SYNE1: variants seen among roughly 807,000 people sequenced by gnomAD.
SYNE1 encodes the protein spectrin repeat containing nuclear envelope protein 1.
A neutral mutation model predicts 1,111.0 loss-of-function variants in SYNE1; 616 were observed. The ratio of observed to expected loss-of-function variants is 0.55; its 90% CI spans 0.52 to 0.59. SYNE1 has a LOEUF of 0.59. Ranked by LOEUF, SYNE1 falls within the 20% of genes least tolerant of loss-of-function variation. The probability of loss-of-function intolerance (pLI) is 0.00; values close to 1 mark genes in which losing one functional copy is unlikely to be tolerated. For missense variants in SYNE1, 10,006 were observed against 10,417.0 expected, an observed-to-expected ratio of 0.96 and a Z score of 1.72; for synonymous variants, 3,855 against 3,825.8, an observed-to-expected ratio of 1.01 and a Z score of -0.28.
chr6:152,586,655 TACAC>T (rs10530898), intron 3 of SYNE1, among the ~76,000 whole-genome samples: 22,021 of 149,170 alleles, frequency 0.15, 1,824 homozygotes, highest in East Asian at 0.43. Context: ...CATACTCTCA[TACAC>T]ACACACACAC....
chr6:152,576,080 T>C (rs2099495349), intron 3 of SYNE1, among the ~76,000 whole-genome samples: 1 of 152,244 alleles, frequency 6.6e-6, no homozygotes, highest in Admixed American at 6.5e-5. Context: ...AAATTGTTCC[T>C]GCTGTGTTTT....
At chr6:152,561,956 A>T (rs987465992) in intron 3 of SYNE1, among the ~76,000 whole-genome samples, 1 of 152,212 alleles carries the variant, frequency 6.6e-6, no homozygotes, top group African/African-American at 2.4e-5. Flanking sequence ...TCATAAATGT[A>T]CTAGAAGAAA....
In SYNE1 at chr6:152,373,193, T is replaced by C. The variant is rs747683032; in HGVS notation, c.9351A>G (p.Gly3117=). ...ACAGCATCATGTTTAGCTTGTGCTG[T>C]CCATTTTCACTTTCTGACAAAAACT... ...IQEFLSESEN[G]QHKLNMMLSK... is the part of the protein sequence containing the mutation. The change falls in exon 59 of 146, where the codon GGA becomes GGG. Residue 3117 remains glycine, a synonymous_variant. Transcript: ENST00000367255. 4.3e-6 allele frequency: 7 copies of C among 1,612,898 alleles called. No homozygotes were observed. The highest frequency in any genetic ancestry group is 5.9e-6 in the Non-Finnish European group (7 of 1,179,902).
chr6:152,380,359 A>G (rs2097383633), intron 56 of SYNE1, among the ~76,000 whole-genome samples: 1 of 152,140 alleles, frequency 6.6e-6, no homozygotes, highest in Non-Finnish European at 1.5e-5. Context: ...AGTGAAAGAA[A>G]CGAAGAAGAG....
At position 152,483,913 on chromosome 6, in the gene SYNE1, A is replaced by C. The variant is rs529181460; in HGVS notation, c.1186-664T>G. 9.1e-4 allele frequency among the ~76,000 whole-genome samples: 138 copies of C among 151,936 alleles called. 1 individual carries two copies. Among genetic ancestry groups the C allele is most frequent in the African/African-American group, 3.1e-3 (129 of 41,452 alleles). On this transcript the variant is annotated intron_variant, in intron 13 of 145. Transcript: ENST00000367255. ...TAGAAAAAATGAGACTATCAAAAAA[A>C]AAATTAGGCTGGGTGCAGTGGCTCA...
chr6:152,514,935 T>A (rs933050501), intron 6 of SYNE1, among the ~76,000 whole-genome samples: 3 of 152,102 alleles, frequency 2.0e-5, no homozygotes, highest in African/African-American at 7.2e-5. Flanking sequence ...TAAAAAAATA[T>A]TTGAGACCAG....
chr6:152,230,499 C>T (rs779320755), intron 115 of SYNE1, 48 bp downstream of exon 115: 509 of 1,578,988 alleles, frequency 3.2e-4, no homozygotes, highest in Middle Eastern at 5.0e-4. Flanking sequence ...TATTAGCATA[C>T]GCTATGAAAT....
chr6:152,207,976 A>G lies in SYNE1; in HGVS notation c.22820T>C (p.Val7607Ala). 6.2e-7 allele frequency: 1 copy of G among 1,614,166 alleles called. No individual in the cohort carries two copies. Among genetic ancestry groups the G allele is most frequent in the South Asian group, 1.1e-5 (1 of 91,080 alleles). ...LQQARTLFDE[V>A]QFKEKVFLRQ... is the part of the protein sequence containing the mutation. ...ACACTGTGTTTTGCATCTTACCTGC[A>G]CTTCATCAAAGAGGGTCCTTGCTTG... Residue 7607 changes from valine (V) to alanine (A), a missense_variant, in exon 125 of 146, where the codon GTG becomes GCG. This residue lies in a region of SYNE1 where 2,182 missense variants were observed against 2,287.8 expected (regional missense o/e 0.95). Coordinates refer to ENST00000367255, the MANE Select transcript of SYNE1 (RefSeq NM_182961.4).
At chr6:152,188,696 C>T (rs896061501) in intron 128 of SYNE1, among the ~76,000 whole-genome samples, 3 of 151,866 alleles carry the variant, frequency 2.0e-5, no homozygotes, top group South Asian at 4.1e-4. Flanking sequence ...CGGTGGCTCA[C>T]GCCTGCAATC....
chr6:152,501,472 T>G (rs1012303777), intron 10 of SYNE1, among the ~76,000 whole-genome samples: 18 of 152,264 alleles, frequency 1.2e-4, no homozygotes, highest in African/African-American at 4.3e-4. Flanking sequence ...TGGTGGCTCA[T>G]GCCTGTGATC....
At chr6:152,129,569 A>T (rs531904929) in intron 145 of SYNE1, 1 of 148,282 alleles carries the variant, frequency 6.7e-6, no homozygotes, top group African/African-American at 2.5e-5. Context: ...AAAAAAAAAA[A>T]CTCATAAAAT....
intron 129 of SYNE1, among the ~76,000 whole-genome samples, chr6:152,178,864 T>C (rs562435136): frequency 4.0e-5 from 6 of 151,800 alleles, no homozygotes; most frequent in Admixed American, 2.0e-4. Context: ...TTAAAATCAC[T>C]GATTGTTCAC....
chr6:152,206,252 G>A lies in SYNE1; in HGVS notation c.22935C>T (p.Ala7645=), dbSNP rs369873269. ...ATTTCTCTTGGATTTCAGCGAGTTCGGCCTGCAAGGCGGCCTCAGCGCCAC... is the reference window on the plus strand; with the variant it reads ...ATTTCTCTTGGATTTCAGCGAGTTCAGCCTGCAAGGCGGCCTCAGCGCCAC... ...ADSGAEAALQ[A]ELAEIQEKWK... Residue 7645 remains alanine, a synonymous_variant, in exon 126 of 146, where the codon GCC becomes GCT. Coordinates refer to ENST00000367255, the MANE Select transcript of SYNE1 (RefSeq NM_182961.4). The A allele has an allele frequency of 9.3e-6, 15 of 1,613,656 alleles. No individual in the cohort carries two copies. Among genetic ancestry groups the A allele is most frequent in the South Asian group, 3.3e-5 (3 of 91,054 alleles).
intron 56 of SYNE1, among the ~76,000 whole-genome samples, chr6:152,378,545 A>C (rs761456451): frequency 6.6e-6 from 1 of 151,966 alleles, no homozygotes; most frequent in Non-Finnish European, 1.5e-5. Context: ...TCACAGACCC[A>C]CTTACATATT....
chr6:152,124,484 C>G (rs2052617867), intron 145 of SYNE1, among the ~76,000 whole-genome samples: 1 of 152,220 alleles, frequency 6.6e-6, no homozygotes, highest in Non-Finnish European at 1.5e-5. Flanking sequence ...CTCACTTCAT[C>G]TCTAGGTGTC....
chr6:152,391,600 A>C, intron 51 of SYNE1, 32 bp from the exon 52 acceptor site: 1 of 1,544,198 alleles, frequency 6.5e-7, no homozygotes, highest in African/African-American at 1.4e-5. Flanking sequence ...AAAAAGAAAA[A>C]AAATTAATTC....
chr6:152,217,113 TTA>T (rs35768008), intron 121 of SYNE1, among the ~76,000 whole-genome samples: 19,099 of 128,130 alleles, frequency 0.15, 1,689 homozygotes, highest in Non-Finnish European at 0.2. Flanking sequence ...TTTTTTTTTT[TTA>T]AAAAAGTATT....
rs1594957369 is a variant in SYNE1 at position 152,540,121 on chromosome 6, T to C, written c.68-100A>G. ...CACAAATCTGGAAGGAATCGTGAAA[T>C]CGTTTTCTCATTCATTTTACCAATT... On this transcript the variant is annotated intron_variant, in intron 3 of 145. Coordinates refer to ENST00000367255, the MANE Select transcript of SYNE1 (RefSeq NM_182961.4). 5.8e-6 allele frequency: 7 copies of C among 1,212,390 alleles called. No individual in the cohort carries two copies. The East Asian group carries it at 1.6e-4, about 29-fold the overall frequency. The allele number at this position is 1,212,390 out of a possible 1,614,324, so 75.1% of individuals were successfully genotyped here.
intron 3 of SYNE1, among the ~76,000 whole-genome samples, chr6:152,577,361 G>A (rs1050551073): frequency 2.0e-5 from 3 of 152,154 alleles, no homozygotes; most frequent in Non-Finnish European, 4.4e-5. Flanking sequence ...GCCTGGGCGC[G>A]GTGGCTCGCA....
Sources: gnomAD v4.1 joint callset for allele counts (sites outside exome capture counted in the v4.1 genomes callset) on GRCh38, gnomAD v4.1.1 for gene constraint, gnomAD v4.1.1 regional missense constraint, MANE v1.5 for transcripts, NCBI Gene and HGNC (gene_info 2026-07-23, HGNC 2026-07-21) for gene names.